The following CACNG1 variants were observed in gnomAD, a reference collection of about 807,000 sequenced individuals.
CACNG1 encodes calcium voltage-gated channel auxiliary subunit gamma 1.
CACNG1 carries 21 observed loss-of-function variants against 22.0 expected under a neutral mutation model. That is an observed-to-expected ratio of 0.95 (90% CI 0.68 to 1.37). CACNG1 has a LOEUF of 1.37. CACNG1 is among the 40% of genes most tolerant of loss of function. The pLI is 0.00. For synonymous variants in CACNG1, 127 were observed against 129.2 expected, an observed-to-expected ratio of 0.98 and a Z score of 0.12; for missense variants, 291 against 308.6, an observed-to-expected ratio of 0.94 and a Z score of 0.43.
Position 67,055,215 on chromosome 17 carries a change from C to T in CACNG1, c.417C>T (p.Pro139=), listed in dbSNP as rs751379455. 2.1e-5 allele frequency: 34 copies of T among 1,613,960 alleles called. No individual in the cohort carries two copies. Among genetic ancestry groups the T allele is most frequent in the African/African-American group, 1.3e-4 (10 of 74,930 alleles). ...AGAAGAGGGACTATCTGCTGCGACCCGCGTCCATGTTCTATGCCTTTGCAG... is the reference window on the plus strand; with the variant it reads ...AGAAGAGGGACTATCTGCTGCGACCTGCGTCCATGTTCTATGCCTTTGCAG... The part of the protein sequence containing the change: ...LGKKRDYLLR[P]ASMFYAFAGL... Residue 139 remains proline (P), a synonymous_variant, in exon 3 of 4, where the codon CCC becomes CCT. Coordinates refer to ENST00000226021, the MANE Select transcript of CACNG1 (RefSeq NM_000727.4). This position sits in a 1 kb window ranked among gnomAD's most constrained non-coding sequence, Gnocchi z 4.5.
intron 1 of CACNG1, among the ~76,000 whole-genome samples, 190 bp from the exon 2 acceptor site, chr17:67,053,806 T>G (rs2035741858): frequency 1.3e-5 from 2 of 152,154 alleles, no homozygotes; most frequent in South Asian, 4.1e-4. Flanking sequence ...GCAGGCAACC[T>G]CATTATCCCA....
chr17:67,053,886 C>A, intron 1 of CACNG1, 110 bp from the exon 2 acceptor site: 3 of 773,708 alleles, frequency 3.9e-6, no homozygotes, highest in Non-Finnish European at 7.0e-6. Context: ...AGAAGAGAGG[C>A]TGCCAGAGCC....
chr17:67,051,699 G>A (rs914786484), intron 1 of CACNG1, among the ~76,000 whole-genome samples: 1 of 152,242 alleles, frequency 6.6e-6, no homozygotes, highest in Admixed American at 6.5e-5. Flanking sequence ...TCACAACCTG[G>A]CTCCTGCAGA....
intron 1 of CACNG1, among the ~76,000 whole-genome samples, chr17:67,051,598 C>A (rs963194581): frequency 7.2e-5 from 11 of 152,200 alleles, no homozygotes; most frequent in African/African-American, 2.4e-4. Flanking sequence ...CCACTGGAGG[C>A]CCCCTCCCTC....
In CACNG1 at chr17:67,054,916, G is replaced by GAC. The variant is rs746333996; in HGVS notation, c.305-177_305-176dup. ...ACACACAATGACACACACAGACACT[G>GAC]ACACACACACAGATACACACATACA... On this transcript the variant is annotated intron_variant, in intron 2 of 3. Coordinates refer to ENST00000226021, the MANE Select transcript of CACNG1 (RefSeq NM_000727.4). This position sits in a 1 kb window ranked among gnomAD's most constrained non-coding sequence, Gnocchi z 4.6. Among the ~76,000 whole-genome samples the GAC allele has an allele frequency of 2.7e-5, 4 of 148,890 alleles. No individual in the cohort carries two copies. The highest frequency in any genetic ancestry group is 6.7e-5 in the Admixed American group (1 of 15,034).
intron 1 of CACNG1, among the ~76,000 whole-genome samples, chr17:67,049,522 C>T (rs1368089149): frequency 1.3e-5 from 2 of 152,104 alleles, no homozygotes; most frequent in African/African-American, 2.4e-5. Context: ...AGGTGGGTCT[C>T]ATTCTACAGG....
chr17:67,045,405 A>G (rs1214284620), intron 1 of CACNG1, among the ~76,000 whole-genome samples: 2 of 152,178 alleles, frequency 1.3e-5, no homozygotes, highest in Non-Finnish European at 2.9e-5. Context: ...CAGTGACAGC[A>G]GCACATGAAA....
In CACNG1 at chr17:67,056,334, C is replaced by T; in HGVS notation, c.*63C>T. ...CAGGAAGCGGGGTCTTGGCCTGGAA[C>T]CTTCCAGAGAGGAGGCGGGAGCAAT... On this transcript the variant is annotated 3_prime_UTR_variant, in exon 4 of 4. Coordinates refer to ENST00000226021, the MANE Select transcript of CACNG1 (RefSeq NM_000727.4). The surrounding 1 kb of genome is among the most constrained non-coding windows in gnomAD (Gnocchi z 4.3). 2 of 1,499,262 alleles carry T rather than the reference C, an allele frequency of 1.3e-6. No homozygotes were observed. The highest frequency in any genetic ancestry group is 9.2e-7 in the Non-Finnish European group (1 of 1,083,878). 92.9% of individuals were successfully genotyped at this position (1,499,262 alleles called of 1,614,324 possible).
intron 1 of CACNG1, among the ~76,000 whole-genome samples, chr17:67,047,217 A>C (rs924330244): frequency 6.6e-6 from 1 of 152,220 alleles, no homozygotes; most frequent in Non-Finnish European, 1.5e-5. Context: ...ACATCAGGAA[A>C]AAAAATGATA....
chr17:67,050,452 C>T (rs148931126), intron 1 of CACNG1, among the ~76,000 whole-genome samples: 2 of 152,332 alleles, frequency 1.3e-5, no homozygotes, highest in Non-Finnish European at 2.9e-5. Flanking sequence ...ACTTCTTTTA[C>T]CAAAAGGCTA....
chr17:67,056,155 G>A lies in CACNG1; in HGVS notation c.553G>A (p.Ala185Thr), dbSNP rs146687061. The A allele has an allele frequency of 4.3e-5, 69 of 1,613,886 alleles. No homozygotes were observed. Among genetic ancestry groups the A allele is most frequent in the Middle Eastern group, 1.6e-4 (1 of 6,062 alleles). Residue 185 changes from alanine (A) to threonine (T), a missense_variant, in exon 4 of 4, where the codon GCC (alanine) becomes ACC (threonine). Coordinates refer to ENST00000226021, the MANE Select transcript of CACNG1 (RefSeq NM_000727.4). The surrounding 1 kb of genome is among the most constrained non-coding windows in gnomAD (Gnocchi z 4.3). ...EYYYSWSFAC[A>T]CAAFILLFLG... Reference sequence around the variant, plus strand: ...CTATTACTCCTGGTCCTTTGCCTGCGCCTGTGCCGCCTTCATCCTCCTCTT... The same window carrying A: ...CTATTACTCCTGGTCCTTTGCCTGCACCTGTGCCGCCTTCATCCTCCTCTT...
At chr17:67,047,611 T>C (rs2035704646) in intron 1 of CACNG1, among the ~76,000 whole-genome samples, 1 of 152,218 alleles carries the variant, frequency 6.6e-6, no homozygotes, top group African/African-American at 2.4e-5. Flanking sequence ...GACCTGACTC[T>C]GAGCTCATCC....
chr17:67,056,467 G>A lies in CACNG1; in HGVS notation c.*196G>A, dbSNP rs111645684. ...GGCTCCCCTGGGAATAGAGCAAGAC[G>A]TGAGTCCTAACCTGGCCACAGTTGG... On this transcript the variant is annotated 3_prime_UTR_variant, in exon 4 of 4. Coordinates refer to ENST00000226021, the MANE Select transcript of CACNG1 (RefSeq NM_000727.4). This position sits in a 1 kb window ranked among gnomAD's most constrained non-coding sequence, Gnocchi z 4.3. 4.5e-5 allele frequency: 27 copies of A among 600,530 alleles called. No individual in the cohort carries two copies. The highest frequency in any genetic ancestry group is 9.3e-5 in the African/African-American group (5 of 53,922). 37.2% of individuals were successfully genotyped at this position (600,530 alleles called of 1,614,324 possible). A position where few individuals can be genotyped will look rare whatever the true frequency, so the allele number is the denominator to read the frequency against.
At chr17:67,047,996 C>A (rs1229917913) in intron 1 of CACNG1, among the ~76,000 whole-genome samples, 1 of 152,046 alleles carries the variant, frequency 6.6e-6, no homozygotes, top group Non-Finnish European at 1.5e-5. Context: ...GGCATTGTTG[C>A]CAAGCGTTTT....
chr17:67,049,143 T>C (rs2035713729), intron 1 of CACNG1, among the ~76,000 whole-genome samples: 1 of 152,142 alleles, frequency 6.6e-6, no homozygotes, highest in Admixed American at 6.5e-5. Context: ...TGTTGAAAGA[T>C]AGAGACAGAG....
chr17:67,049,930 A>G (rs541624490), intron 1 of CACNG1, among the ~76,000 whole-genome samples: 15 of 152,356 alleles, frequency 9.8e-5, no homozygotes, highest in African/African-American at 3.1e-4. Flanking sequence ...TTAGACTCCA[A>G]ACAGTCTTAG....
Position 67,055,165 on chromosome 17 carries a change from C to T in CACNG1, c.367C>T (p.Leu123Phe), listed in dbSNP as rs747662157. The part of the protein sequence containing the change: ...FSLGFIILGS[L>F]CVLLSLGKKR... ...CCTTGGCTTCATCATCCTGGGCAGC[C>T]TCTGTGTCCTCCTGTCCCTCGGGAA... Residue 123 changes from leucine to phenylalanine, a missense_variant, in exon 3 of 4, where the codon CTC becomes TTC. Coordinates refer to ENST00000226021, the MANE Select transcript of CACNG1 (RefSeq NM_000727.4). The surrounding 1 kb of genome is among the most constrained non-coding windows in gnomAD (Gnocchi z 4.5). The T allele has an allele frequency of 1.5e-5, 24 of 1,614,122 alleles. No homozygotes were observed. The highest frequency in any genetic ancestry group is 1.8e-5 in the Non-Finnish European group (21 of 1,180,030).
At position 67,055,020 on chromosome 17, in the gene CACNG1, G is replaced by T; in HGVS notation, c.305-83G>T. 2 of 1,400,268 alleles carry T rather than the reference G, an allele frequency of 1.4e-6. No individual in the cohort carries two copies. Among genetic ancestry groups the T allele is most frequent in the Non-Finnish European group, 2.0e-6 (2 of 1,013,356 alleles). 86.7% of individuals were successfully genotyped at this position (1,400,268 alleles called of 1,614,324 possible). On this transcript the variant is annotated intron_variant, in intron 2 of 3. Transcript: ENST00000226021. This position sits in a 1 kb window ranked among gnomAD's most constrained non-coding sequence, Gnocchi z 4.5. ...ACACACAGACACTGACACACACACT[G>T]TGGTGCATGGTGTGGTCCCTAACGA... is the stretch of plus-strand genomic sequence containing the variant.
At position 67,054,230 on chromosome 17, in the gene CACNG1, G is replaced by A. The variant is rs766780596; in HGVS notation, c.304+160G>A. Among the ~76,000 whole-genome samples the A allele has an allele frequency of 1.3e-5, 2 of 152,152 alleles. No individual in the cohort carries two copies. Among genetic ancestry groups the A allele is most frequent in the Non-Finnish European group, 1.5e-5 (1 of 68,028 alleles). On this transcript the variant is annotated intron_variant, in intron 2 of 3. Transcript: ENST00000226021. This position sits in a 1 kb window ranked among gnomAD's most constrained non-coding sequence, Gnocchi z 4.6. ...AACAGCCTTGTCAGCTCCCCGCTCC[G>A]GAGGCCCCAGGCAGCCGCCTTCCAT...
Sources: allele counts gnomAD v4.1 joint callset (sites outside exome capture counted in the v4.1 genomes callset), GRCh38; gene constraint gnomAD v4.1.1; non-coding constraint Gnocchi (gnomAD v3.1); transcripts MANE v1.5; gene names NCBI Gene and HGNC (gene_info 2026-07-23, HGNC 2026-07-21).